Variants in STAB2 observed in about 807,000 individuals in gnomAD.
STAB2 encodes the protein stabilin-2.
Under a neutral mutation model 338.1 loss-of-function variants are expected in STAB2, and 288 were observed. That is an observed-to-expected ratio of 0.85 (90% CI 0.77 to 0.94). The LOEUF (loss-of-function observed/expected upper bound fraction) is 0.94, where lower values mean the gene tolerates loss of function less well. STAB2 is among the 40% of genes least tolerant of loss of function. The pLI is 0.00. For missense variants in STAB2, 3,141 were observed against 3,210.1 expected, an observed-to-expected ratio of 0.98 and a Z score of 0.52; for synonymous variants, 1,202 against 1,193.3, an observed-to-expected ratio of 1.01 and a Z score of -0.15.
In STAB2 at chr12:103,665,723, C is replaced by T. The variant is rs575570428; in HGVS notation, c.2023-568C>T. Among the ~76,000 whole-genome samples the T allele has an allele frequency of 4.6e-4, 70 of 152,270 alleles. 1 individual carries two copies. The highest frequency in any genetic ancestry group is 4.3e-4 in the Non-Finnish European group (29 of 68,018). On this transcript the variant is annotated intron_variant, in intron 18 of 68. Coordinates refer to ENST00000388887, the MANE Select transcript of STAB2 (RefSeq NM_017564.10). The stretch of plus-strand genomic sequence containing the variant: ...CAAGGGAGCTTGAGAACATCCTTCA[C>T]GGTCTACCTTCTGGGGCACAGAGCC...
At chr12:103,681,433 A>G (rs974460680) in intron 25 of STAB2, among the ~76,000 whole-genome samples, 2 of 152,146 alleles carry the variant, frequency 1.3e-5, no homozygotes, top group African/African-American at 4.8e-5. Flanking sequence ...TCAAGGTGTC[A>G]TCAGGGTTGT....
intron 48 of STAB2, 46 bp from the exon 49 acceptor site, chr12:103,730,070 T>G (rs779739160): frequency 1.3e-6 from 2 of 1,522,464 alleles, no homozygotes; most frequent in Non-Finnish European, 1.8e-6. Flanking sequence ...ATTTTGTGTC[T>G]ATTTCACTTT....
chr12:103,735,452 C>G, intron 51 of STAB2, 39 bp from the exon 52 acceptor site: 1 of 1,516,980 alleles, frequency 6.6e-7, no homozygotes, highest in Admixed American at 2.2e-5. Context: ...TTCTTCGGCC[C>G]AAATTTGGGG....
intron 15 of STAB2, among the ~76,000 whole-genome samples, chr12:103,655,916 T>A (rs576684579): frequency 6.6e-6 from 1 of 152,336 alleles, no homozygotes; most frequent in South Asian, 2.1e-4. Context: ...CACTTCAAGT[T>A]CCCTACAACT....
At chr12:103,655,636 G>A (rs1042029039) in intron 15 of STAB2, 55 bp downstream of exon 15, 52 of 1,592,346 alleles carry the variant, frequency 3.3e-5, no homozygotes, top group Middle Eastern at 3.3e-4. Flanking sequence ...GCCTCAGTCT[G>A]TGTCTAAACA....
intron 3 of STAB2, among the ~76,000 whole-genome samples, chr12:103,602,429 C>T (rs1278730762): frequency 6.6e-6 from 1 of 152,196 alleles, no homozygotes; most frequent in Non-Finnish European, 1.5e-5. Context: ...CCACCACGGA[C>T]AATCACACAC....
intron 27 of STAB2, among the ~76,000 whole-genome samples, chr12:103,685,945 C>T (rs191223197): frequency 6.6e-6 from 1 of 152,046 alleles, no homozygotes; most frequent in African/African-American, 2.4e-5. Flanking sequence ...CTGGTAGCCA[C>T]GAATCCACTC....
At chr12:103,739,597 T>C in intron 54 of STAB2, 129 bp downstream of exon 54, 3 of 723,480 alleles carry the variant, frequency 4.1e-6, no homozygotes, top group East Asian at 3.2e-5. Flanking sequence ...GTTGCATAAA[T>C]GTAATTTATG....
At chr12:103,758,029 A>G in intron 63 of STAB2, 141 bp from the exon 64 acceptor site, 1 of 1,252,434 alleles carries the variant, frequency 8.0e-7, no homozygotes, top group South Asian at 1.4e-5. Context: ...CGCAGGCAGA[A>G]GACACAGCAA....
chr12:103,631,665 T>C lies in STAB2; in HGVS notation c.555T>C (p.Ser185=). 2 of 1,614,202 alleles carry C rather than the reference T, an allele frequency of 1.2e-6. No homozygotes were observed. The highest frequency in any genetic ancestry group is 1.7e-6 in the Non-Finnish European group (2 of 1,180,028). Residue 185 remains serine, a synonymous_variant, in exon 6 of 69, where the codon TCT becomes TCC. Transcript: ENST00000388887. The part of the protein sequence containing the change: ...LDGDGTCECY[S]AYTGPKCDKP... ...GCGATGGAACCTGTGAGTGCTACTC[T>C]GCGTACACTGGCCCCAAGTGTGACA...
chr12:103,764,332 G>A (rs1406532581), intron 68 of STAB2, among the ~76,000 whole-genome samples: 3 of 152,164 alleles, frequency 2.0e-5, no homozygotes, highest in African/African-American at 7.2e-5. Context: ...CTGCTTTCTT[G>A]CTTTTGGAGC....
chr12:103,720,211 T>A (rs1306815436), intron 44 of STAB2, among the ~76,000 whole-genome samples: 1 of 152,208 alleles, frequency 6.6e-6, no homozygotes, highest in Non-Finnish European at 1.5e-5. Context: ...CATGGGCCAT[T>A]CATGTTTTGT....
chr12:103,653,907 G>GTGGA (rs1256643122), intron 12 of STAB2, among the ~76,000 whole-genome samples: 4 of 143,890 alleles, frequency 2.8e-5, no homozygotes, highest in Non-Finnish European at 4.5e-5. Flanking sequence ...GCATGGATAG[G>GTGGA]TGGATGGATG....
At position 103,686,544 on chromosome 12, in the gene STAB2, GC is replaced by G. The variant is rs1877450384; in HGVS notation, c.2997+1463del. On this transcript the variant is annotated intron_variant, in intron 27 of 68. Transcript: ENST00000388887. ...TCTTGAGACAAGATCTCACTCTGTT[GC>G]CCAGGCTGAGGTACAGTGGCATGAT... Among the ~76,000 whole-genome samples, 3 of 152,058 alleles carry G rather than the reference GC, an allele frequency of 2.0e-5. No homozygotes were observed. In the South Asian group the frequency reaches 6.2e-4, roughly 32 times the overall value.
chr12:103,703,420 A>T, intron 35 of STAB2, 144 bp downstream of exon 35: 1 of 1,081,686 alleles, frequency 9.2e-7, no homozygotes, highest in Non-Finnish European at 1.3e-6. Context: ...TGTGCCAAGG[A>T]GCATACCAGG....
intron 3 of STAB2, among the ~76,000 whole-genome samples, chr12:103,610,602 C>T (rs559807475): frequency 1.1e-4 from 16 of 152,064 alleles, no homozygotes; most frequent in Admixed American, 2.6e-4. Flanking sequence ...ATCTTGCTAG[C>T]GGTCTATCAA....
chr12:103,652,641 T>G lies in STAB2; in HGVS notation c.1343T>G (p.Met448Arg). ...GCTGGTCAGATGAACATCGAATATA[T>G]GAATAACACAGACATGTTCTACACC... is the stretch of plus-strand genomic sequence containing the variant. ...IIAGQMNIEY[M>R]NNTDMFYTLT... The change falls in exon 12 of 69, where the codon ATG becomes AGG. Residue 448 changes from methionine (M) to arginine (R), a missense_variant. Coordinates refer to ENST00000388887, the MANE Select transcript of STAB2 (RefSeq NM_017564.10). 1 of 1,609,858 alleles carries G rather than the reference T, an allele frequency of 6.2e-7. No individual in the cohort carries two copies. Among genetic ancestry groups the G allele is most frequent in the Non-Finnish European group, 8.5e-7 (1 of 1,178,196 alleles).
intron 52 of STAB2, among the ~76,000 whole-genome samples, chr12:103,736,870 G>A (rs1031141833): frequency 6.6e-6 from 1 of 152,062 alleles, no homozygotes; most frequent in Non-Finnish European, 1.5e-5. Flanking sequence ...CTTTCTAAAA[G>A]CATTTTGTAT....
chr12:103,699,345 C>T, intron 34 of STAB2, 118 bp downstream of exon 34: 1 of 1,288,550 alleles, frequency 7.8e-7, no homozygotes, highest in Non-Finnish European at 1.0e-6. Flanking sequence ...AGTCAGTTTT[C>T]ACACTGCTGA....
Sources: gnomAD v4.1 joint callset for allele counts (sites outside exome capture counted in the v4.1 genomes callset) on GRCh38, gnomAD v4.1.1 for gene constraint, MANE v1.5 for transcripts, NCBI Gene and HGNC (gene_info 2026-07-23, HGNC 2026-07-21) for gene names.